The following ACKR3 variants were observed in gnomAD, a reference collection of about 807,000 sequenced individuals.
The protein encoded by ACKR3 is atypical chemokine receptor 3.
Under a neutral mutation model 22.4 loss-of-function variants are expected in ACKR3, and 6 were observed. That is an observed-to-expected ratio of 0.27 (90% CI 0.15 to 0.53). ACKR3 has a LOEUF of 0.53. Ranked by LOEUF, ACKR3 falls within the 20% of genes least tolerant of loss-of-function variation. ACKR3 has a pLI of 0.96. For synonymous variants in ACKR3, 209 were observed against 205.2 expected (o/e 1.02, Z -0.16); for missense variants, 396 against 475.2 (o/e 0.83, Z 1.55).
At chr2:236,570,844 CTCTT>C (rs3217622) in intron 1 of ACKR3, among the ~76,000 whole-genome samples, 44,961 of 151,488 alleles carry the variant, frequency 0.3, 7,947 homozygotes, top group African/African-American at 0.5. Context: ...TTCTCTCTTC[CTCTT>C]TCTTTCTTTC....
At chr2:236,548,518 C>T in the ACKR3 span, among the ~76,000 whole-genome samples, 3 of 152,198 alleles carry the variant, frequency 2.0e-5, no homozygotes, top group African/African-American at 4.8e-5. The surrounding 1 kb of genome is among the most constrained non-coding windows in gnomAD (Gnocchi z 4.3). Context: ...CCATCTCCCT[C>T]GTTAATCTTC....
At chr2:236,543,110 G>A in the ACKR3 span, among the ~76,000 whole-genome samples, 1 of 152,216 alleles carries the variant, frequency 6.6e-6, no homozygotes, top group Non-Finnish European at 1.5e-5. Flanking sequence ...CCCAGGTGAG[G>A]TGCTACTTGG....
chr2:236,554,243 C>T, the ACKR3 span, among the ~76,000 whole-genome samples: 1 of 152,164 alleles, frequency 6.6e-6, no homozygotes, highest in African/African-American at 2.4e-5. Context: ...TAATGTGGAG[C>T]ATCACTAAGG....
the ACKR3 span, among the ~76,000 whole-genome samples, chr2:236,557,642 A>T: frequency 2.2e-4 from 34 of 152,386 alleles, no homozygotes; most frequent in African/African-American, 7.7e-4. Context: ...AGATGGAAAT[A>T]AACAGATGAA....
At chr2:236,573,445 C>T (rs116265344) in intron 1 of ACKR3, among the ~76,000 whole-genome samples, 165 of 152,338 alleles carry the variant, frequency 1.1e-3, no homozygotes, top group Admixed American at 2.2e-3. Context: ...TCTCTTCACC[C>T]GGCCTGGCCT....
Position 236,575,495 on chromosome 2 carries a change from CTGTG to C in ACKR3, c.-26-4933_-26-4930del, listed in dbSNP as rs773020579. On this transcript the variant is annotated intron_variant, in intron 1 of 1. Coordinates refer to ENST00000272928, the MANE Select transcript of ACKR3 (RefSeq NM_020311.3). ...GTGTGTGCGTGTGTCTGGGGTTGTG[CTGTG>C]TGTGTGTGTGTCTGGGGTTGTGCTG... 5.2e-3 allele frequency among the ~76,000 whole-genome samples: 446 copies of C among 86,324 alleles called. 14 individuals are homozygous for C. Among genetic ancestry groups the C allele is most frequent in the East Asian group, 0.033 (97 of 2,936 alleles). 56.6% of individuals were successfully genotyped at this position (86,324 alleles called of 152,430 possible).
In ACKR3 at chr2:236,581,785, C is replaced by A; in HGVS notation, c.*231C>A. Reference sequence around the variant, plus strand: ...GGCAGAGCTGTGTCGCACAGCAGTGCTGTGCGTCAGAGCCAGCTGAGGACA... The same window carrying A: ...GGCAGAGCTGTGTCGCACAGCAGTGATGTGCGTCAGAGCCAGCTGAGGACA... On this transcript the variant is annotated 3_prime_UTR_variant, in exon 2 of 2. Coordinates refer to ENST00000272928, the MANE Select transcript of ACKR3 (RefSeq NM_020311.3). This position sits in a 1 kb window ranked among gnomAD's most constrained non-coding sequence, Gnocchi z 4.4. 2.2e-6 allele frequency: 1 copy of A among 461,054 alleles called. No individual in the cohort carries two copies. The highest frequency in any genetic ancestry group is 3.9e-6 in the Non-Finnish European group (1 of 258,286). The allele number at this position is 461,054 out of a possible 1,614,324, so 28.6% of individuals were successfully genotyped here. A position where few individuals can be genotyped will look rare whatever the true frequency, so the allele number is the denominator to read the frequency against.
the ACKR3 span, among the ~76,000 whole-genome samples, chr2:236,559,227 A>T: frequency 2.0e-5 from 3 of 152,252 alleles, no homozygotes; most frequent in Admixed American, 6.5e-5. Flanking sequence ...TTCACTCAGA[A>T]CTTTCTATTC....
At chr2:236,543,941 GTATATATATATA>G in the ACKR3 span, among the ~76,000 whole-genome samples, 690 of 57,706 alleles carry the variant, frequency 0.012, 10 homozygotes, top group Non-Finnish European at 0.016. Context: ...TGGGAGAAGG[GTATATATATATA>G]TATATATATA....
chr2:236,576,016 T>C (rs564981639), intron 1 of ACKR3, among the ~76,000 whole-genome samples: 1 of 152,380 alleles, frequency 6.6e-6, no homozygotes, highest in South Asian at 2.1e-4. Context: ...GAATCTTTTA[T>C]GCAGAAACCT....
chr2:236,582,021 G>A lies in ACKR3; in HGVS notation c.*467G>A, dbSNP rs192909521. 6.0e-6 allele frequency: 1 copy of A among 165,306 alleles called. No individual in the cohort carries two copies. Among genetic ancestry groups the A allele is most frequent in the Non-Finnish European group, 1.5e-5 (1 of 67,890 alleles). The allele number at this position is 165,306 out of a possible 1,614,324, so 10.2% of individuals were successfully genotyped here. A position where few individuals can be genotyped will look rare whatever the true frequency, so the allele number is the denominator to read the frequency against. ...TAGTTTTAAGGTTAGCGTGACTTCA[G>A]TTTTGACTAAGGATGACACTAATTG... On this transcript the variant is annotated 3_prime_UTR_variant, in exon 2 of 2. Transcript: ENST00000272928.
At chr2:236,544,805 T>C in the ACKR3 span, among the ~76,000 whole-genome samples, 29 of 152,152 alleles carry the variant, frequency 1.9e-4, no homozygotes, top group African/African-American at 6.8e-4. The surrounding 1 kb of genome is among the most constrained non-coding windows in gnomAD (Gnocchi z 5.0). Flanking sequence ...GAGAGAGATG[T>C]GGGCTAGATT....
upstream of ACKR3, among the ~76,000 whole-genome samples, chr2:236,568,440 A>C (rs1052896420): frequency 1.3e-5 from 2 of 152,184 alleles, no homozygotes; most frequent in African/African-American, 4.8e-5. Flanking sequence ...AGCCGCTGGC[A>C]GTTTTCCTTT....
In ACKR3 at chr2:236,579,515, G is replaced by A. The variant is rs146952761; in HGVS notation, c.-26-925G>A. 4.9e-4 allele frequency among the ~76,000 whole-genome samples: 74 copies of A among 152,310 alleles called. 1 individual carries two copies. Among genetic ancestry groups the A allele is most frequent in the African/African-American group, 1.6e-3 (65 of 41,574 alleles). On this transcript the variant is annotated intron_variant, in intron 1 of 1. Transcript: ENST00000272928. ...CAGTGCCAGATAACAATGGTACCCC[G>A]TGGCTGAATTCTGGCTGGGAGTGAA...
chr2:236,570,337 A>G (rs1559470877), intron 1 of ACKR3, among the ~76,000 whole-genome samples: 2 of 152,212 alleles, frequency 1.3e-5, no homozygotes, highest in Non-Finnish European at 2.9e-5. Flanking sequence ...CTTCTAGTAT[A>G]TCAGTTTGGA....
intron 1 of ACKR3, 91 bp from the exon 2 acceptor site, chr2:236,580,349 C>T (rs1559473634): frequency 7.0e-7 from 1 of 1,418,912 alleles, no homozygotes; most frequent in Non-Finnish European, 9.6e-7. Flanking sequence ...CTATCAGGGC[C>T]TTGGAAAAGC....
At chr2:236,567,656 T>G (rs549288318), upstream of ACKR3, 1 of 152,328 alleles carries the variant, frequency 6.6e-6, no homozygotes, top group Non-Finnish European at 1.5e-5. Context: ...GGTGGGAGCC[T>G]GGCCAGAGTT....
At chr2:236,575,038 TAAAAC>T (rs1426713230) in intron 1 of ACKR3, among the ~76,000 whole-genome samples, 1 of 151,796 alleles carries the variant, frequency 6.6e-6, no homozygotes, top group Non-Finnish European at 1.5e-5. Flanking sequence ...ATGAATGAGA[TAAAAC>T]AGAGCAAGCG....
rs1463621255 is a variant in ACKR3 at position 236,571,447 on chromosome 2, C to T, written c.-27+1523C>T. On this transcript the variant is annotated intron_variant, in intron 1 of 1. Transcript: ENST00000272928. ...TCTTTTAAGGGGCAGACATTGCAGA[C>T]GTAGTTTTAAAAAAGTTCCATAAAG... is the stretch of plus-strand genomic sequence containing the variant. Among the ~76,000 whole-genome samples the T allele has an allele frequency of 3.3e-5, 5 of 151,988 alleles. No individual in the cohort carries two copies. The South Asian group carries it at 6.2e-4, about 19-fold the overall frequency.
Sources: gnomAD v4.1 joint callset for allele counts (sites outside exome capture counted in the v4.1 genomes callset) on GRCh38, gnomAD v4.1.1 for gene constraint, Gnocchi (gnomAD v3.1) non-coding constraint, MANE v1.5 for transcripts, NCBI Gene and HGNC (gene_info 2026-07-23, HGNC 2026-07-21) for gene names.